CTIF: variants seen among roughly 807,000 people sequenced by gnomAD.
CTIF encodes cap binding complex dependent translation initiation factor, also known as CBP80/20-dependent translation initiation factor.
CTIF carries 21 observed loss-of-function variants against 66.0 expected under a neutral mutation model. That is an observed-to-expected ratio of 0.32 (90% CI 0.23 to 0.46). The LOEUF (loss-of-function observed/expected upper bound fraction) is 0.46, where lower values mean the gene tolerates loss of function less well. CTIF is among the 20% of genes least tolerant of loss of function. CTIF has a pLI of 1.00. For synonymous variants in CTIF, 345 were observed against 326.4 expected, an observed-to-expected ratio of 1.06 and a Z score of -0.62; for missense variants, 739 against 812.7, an observed-to-expected ratio of 0.91 and a Z score of 1.10.
chr18:48,677,668 T>C (rs1479477921), intron 6 of CTIF, among the ~76,000 whole-genome samples: 1 of 152,202 alleles, frequency 6.6e-6, no homozygotes, highest in East Asian at 1.9e-4. Flanking sequence ...TGCCTCCTCA[T>C]CACTCAAGAA....
intron 1 of CTIF, among the ~76,000 whole-genome samples, chr18:48,563,729 T>C (rs1170963097): frequency 6.6e-6 from 1 of 152,198 alleles, no homozygotes; most frequent in African/African-American, 2.4e-5. Context: ...GCCTCAGCCT[T>C]CCAAAGTGCT....
chr18:48,624,782 C>T (rs1192444682), intron 2 of CTIF, among the ~76,000 whole-genome samples: 1 of 152,136 alleles, frequency 6.6e-6, no homozygotes, highest in Non-Finnish European at 1.5e-5. Context: ...CCTGCTGCCC[C>T]GATCCAGTCT....
At chr18:48,782,346 T>A (rs1911310240) in intron 9 of CTIF, among the ~76,000 whole-genome samples, 1 of 151,996 alleles carries the variant, frequency 6.6e-6, no homozygotes, top group Admixed American at 6.5e-5. Context: ...AAAGTCCCAC[T>A]GATTGCAGAG....
intron 7 of CTIF, among the ~76,000 whole-genome samples, chr18:48,726,275 G>T (rs1383098557): frequency 1.3e-5 from 2 of 152,192 alleles, no homozygotes. Flanking sequence ...TGGAAATGGA[G>T]CTTGGCTTGG....
At chr18:48,610,401 C>CCACCTGGATGCA (rs2090285283) in intron 1 of CTIF, among the ~76,000 whole-genome samples, 1 of 126,290 alleles carries the variant, frequency 7.9e-6, no homozygotes, top group Non-Finnish European at 1.7e-5. Context: ...ACCTGGATGC[C>CCACCTGGATGCA]CACCTGGATG....
intron 6 of CTIF, among the ~76,000 whole-genome samples, chr18:48,702,924 A>C (rs1218986027): frequency 1.3e-5 from 2 of 151,724 alleles, no homozygotes; most frequent in East Asian, 1.9e-4. Flanking sequence ...AAAAAAAAAC[A>C]TGAAAAACCA....
intron 3 of CTIF, among the ~76,000 whole-genome samples, chr18:48,640,725 C>T (rs1232544028): frequency 6.6e-6 from 1 of 152,220 alleles, no homozygotes; most frequent in Non-Finnish European, 1.5e-5. Context: ...ACAGACCATG[C>T]CCTGCACCAG....
chr18:48,807,216 G>A (rs975072483), intron 9 of CTIF, among the ~76,000 whole-genome samples: 4 of 152,164 alleles, frequency 2.6e-5, no homozygotes, highest in African/African-American at 7.2e-5. Context: ...CACCCTTCTC[G>A]TGAGAATCAC....
intron 1 of CTIF, among the ~76,000 whole-genome samples, chr18:48,547,122 C>G (rs1242202678): frequency 6.6e-6 from 1 of 152,116 alleles, no homozygotes; most frequent in Non-Finnish European, 1.5e-5. Flanking sequence ...AGAGAAAGGG[C>G]AGAGGTGCCC....
At chr18:48,635,317 CTTTTTCTTTCTTTTTT>C (rs2090795617) in intron 2 of CTIF, among the ~76,000 whole-genome samples, 1 of 132,944 alleles carries the variant, frequency 7.5e-6, no homozygotes, top group African/African-American at 3.1e-5. Flanking sequence ...TTTTCTTTTT[CTTTTTCTTTCTTTTTT>C]TTTTTTTTTT....
intron 7 of CTIF, among the ~76,000 whole-genome samples, chr18:48,732,787 C>T (rs1256493561): frequency 1.3e-5 from 2 of 152,188 alleles, no homozygotes; most frequent in Non-Finnish European, 2.9e-5. Context: ...AGCCATGCCA[C>T]GGAGGGACAG....
intron 9 of CTIF, among the ~76,000 whole-genome samples, chr18:48,766,962 G>A (rs1456356776): frequency 2.8e-5 from 2 of 70,894 alleles, no homozygotes; most frequent in African/African-American, 3.7e-5. Flanking sequence ...TGTCGGAACA[G>A]CTATCACATG....
intron 7 of CTIF, among the ~76,000 whole-genome samples, chr18:48,723,263 G>C (rs2092357334): frequency 6.6e-6 from 1 of 152,076 alleles, no homozygotes; most frequent in African/African-American, 2.4e-5. Flanking sequence ...GCTAAAGACG[G>C]CATGGTCCTC....
At chr18:48,664,388 C>G (rs1206984019) in intron 4 of CTIF, 59 bp from the exon 5 acceptor site, 2 of 1,448,550 alleles carry the variant, frequency 1.4e-6, no homozygotes, top group Non-Finnish European at 1.9e-6. Flanking sequence ...CCCCTGGTTC[C>G]GTCAGTAACT....
chr18:48,630,547 A>T (rs1161908098), intron 2 of CTIF, among the ~76,000 whole-genome samples: 4 of 152,016 alleles, frequency 2.6e-5, no homozygotes, highest in Non-Finnish European at 5.9e-5. Flanking sequence ...TCAAAACACA[A>T]TCCTTACCTA....
chr18:48,796,318 C>T (rs1040927717), intron 9 of CTIF, among the ~76,000 whole-genome samples: 6 of 152,082 alleles, frequency 3.9e-5, no homozygotes, highest in African/African-American at 9.7e-5. Flanking sequence ...GGACTACAGG[C>T]GACCGTCACC....
intron 3 of CTIF, among the ~76,000 whole-genome samples, chr18:48,640,481 A>C (rs995939998): frequency 6.6e-6 from 1 of 152,074 alleles, no homozygotes; most frequent in South Asian, 2.1e-4. Context: ...TGCCACACCA[A>C]CTTTGATGAG....
chr18:48,733,832 T>C (rs970143822), intron 7 of CTIF, among the ~76,000 whole-genome samples: 1 of 152,110 alleles, frequency 6.6e-6, no homozygotes, highest in Non-Finnish European at 1.5e-5. Context: ...CAACTCACCC[T>C]CGCAGCCCTT....
chr18:48,816,290 A>G (rs2068362447), intron 9 of CTIF, among the ~76,000 whole-genome samples: 1 of 152,196 alleles, frequency 6.6e-6, no homozygotes, highest in Non-Finnish European at 1.5e-5. Context: ...CCAAAGCAAG[A>G]CATATGGCCA....
Sources: gnomAD v4.1 joint callset for allele counts (sites outside exome capture counted in the v4.1 genomes callset) on GRCh38, gnomAD v4.1.1 for gene constraint, MANE v1.5 for transcripts, NCBI Gene and HGNC (gene_info 2026-07-23, HGNC 2026-07-21) for gene names.